The following AACS variants were observed in gnomAD, a reference collection of about 807,000 sequenced individuals.
AACS encodes the protein acetoacetate-CoA ligase.
AACS carries 69 observed loss-of-function variants against 83.1 expected under a neutral mutation model. The observed-to-expected ratio is 0.83, with a 90% CI of 0.68 to 1.01. AACS has a LOEUF of 1.01. Ranked by LOEUF, AACS falls within the 50% of genes least tolerant of loss-of-function variation. AACS has a pLI of 0.00. For synonymous variants in AACS, 333 were observed against 343.4 expected, an observed-to-expected ratio of 0.97 and a Z score of 0.33; for missense variants, 866 against 882.2, an observed-to-expected ratio of 0.98 and a Z score of 0.23.
chr12:125,095,386 G>A (rs1414267440), intron 5 of AACS, among the ~76,000 whole-genome samples: 1 of 152,210 alleles, frequency 6.6e-6, no homozygotes, highest in Admixed American at 6.5e-5. Flanking sequence ...CTGGGGTCCT[G>A]TGGTATTTGA....
chr12:125,065,744 T>A (rs1285291944), intron 1 of AACS, 27 bp downstream of exon 1: 3 of 1,509,894 alleles, frequency 2.0e-6, no homozygotes, highest in Non-Finnish European at 2.7e-6. Flanking sequence ...CGGCCGGGCC[T>A]GCGGGGGATG....
At chr12:125,091,282 G>A in intron 4 of AACS, 144 bp from the exon 5 acceptor site, 2 of 727,956 alleles carry the variant, frequency 2.7e-6, no homozygotes, top group Non-Finnish European at 4.8e-6. Context: ...ATTCATCTGG[G>A]CGGGGGCTGG....
chr12:125,071,068 C>T (rs1301389460), intron 1 of AACS, among the ~76,000 whole-genome samples: 1 of 152,172 alleles, frequency 6.6e-6, no homozygotes, highest in African/African-American at 2.4e-5. Flanking sequence ...CTCAGGGTCC[C>T]TGAGGGGCTG....
rs773709808 is a variant in AACS at position 125,073,921 on chromosome 12, A to T, written c.179A>T (p.Asp60Val). 10 of 1,614,190 alleles carry T rather than the reference A, an allele frequency of 6.2e-6. No individual in the cohort carries two copies. Among genetic ancestry groups the T allele is most frequent in the Non-Finnish European group, 8.5e-6 (10 of 1,180,022 alleles). ...LYHWSVESYS[D>V]FWAEFWKFSG... ...CATTGGTCCGTTGAGTCATATTCAG[A>T]CTTCTGGGCAGAGTTCTGGAAATTC... The change falls in exon 2 of 18, where the codon GAC (aspartate) becomes GTC (valine). Residue 60 changes from aspartate (D) to valine (V), a missense_variant. By Grantham distance (152) the Asp-to-Val change is radical. Transcript: ENST00000316519.
rs117189327 is a variant in AACS, at chr12:125,073,997, G to A, written c.237+18G>A. 21,960 of 1,576,582 alleles carry A rather than the reference G, an allele frequency of 0.014. 183 individuals carry two copies. Among genetic ancestry groups the A allele is most frequent in the Middle Eastern group, 0.026 (156 of 6,004 alleles). On this transcript the variant is annotated intron_variant, in intron 2 of 17. Transcript: ENST00000316519. ...ATGATGAGGTAAGTAGAGATTTTCCGTGGATATCATCTCTTTTTGTGGTCG... is the reference window on the plus strand; with the variant it reads ...ATGATGAGGTAAGTAGAGATTTTCCATGGATATCATCTCTTTTTGTGGTCG...
intron 5 of AACS, among the ~76,000 whole-genome samples, chr12:125,095,180 A>G (rs1319809806): frequency 1.3e-5 from 2 of 152,090 alleles, no homozygotes; most frequent in African/African-American, 2.4e-5. Flanking sequence ...TGCAACATGA[A>G]AGCTGTCCTC....
intron 16 of AACS, among the ~76,000 whole-genome samples, chr12:125,135,130 A>G (rs959982974): frequency 1.2e-4 from 18 of 148,468 alleles, no homozygotes; most frequent in Admixed American, 8.7e-4. Context: ...ACTTGTGTCT[A>G]TCTACTCTTT....
At chr12:125,066,276 ACT>A (rs1955690219) in intron 1 of AACS, among the ~76,000 whole-genome samples, 1 of 148,694 alleles carries the variant, frequency 6.7e-6, no homozygotes, top group Non-Finnish European at 1.5e-5. Flanking sequence ...CTAGTAAAAG[ACT>A]CTCTTTCCAC....
chr12:125,127,856 C>T, intron 12 of AACS: 1 of 221,158 alleles, frequency 4.5e-6, no homozygotes, highest in East Asian at 1.1e-4. Flanking sequence ...GGCAAAGCTT[C>T]CATTTTCTGC....
In AACS at chr12:125,113,466, G is replaced by A. The variant is rs907475112; in HGVS notation, c.916-1011G>A. ...ACCGAGGCTGGGAGCGTGGAGTGACGGGTGCAGGGGCCACTGGCTCTGCTC... is the reference window on the plus strand; with the variant it reads ...ACCGAGGCTGGGAGCGTGGAGTGACAGGTGCAGGGGCCACTGGCTCTGCTC... On this transcript the variant is annotated intron_variant, in intron 8 of 17. Transcript: ENST00000316519. The surrounding 1 kb of genome is among the most constrained non-coding windows in gnomAD (Gnocchi z 4.8). Among the ~76,000 whole-genome samples, 1 of 152,214 alleles carries A rather than the reference G, an allele frequency of 6.6e-6. No individual in the cohort carries two copies. The highest frequency in any genetic ancestry group is 2.4e-5 in the African/African-American group (1 of 41,460).
intron 8 of AACS, among the ~76,000 whole-genome samples, chr12:125,108,511 G>A (rs1956881382): frequency 6.6e-6 from 1 of 152,078 alleles, no homozygotes. Context: ...TTCAACATAC[G>A]AATTTTGGGG....
At chr12:125,120,722 A>G (rs1957139515) in intron 10 of AACS, 1 of 152,240 alleles carries the variant, frequency 6.6e-6, no homozygotes, top group South Asian at 2.1e-4. Context: ...GGGATGAAGC[A>G]TCCCAGGGAG....
At chr12:125,095,156 T>C (rs1450506264) in intron 5 of AACS, among the ~76,000 whole-genome samples, 1 of 152,108 alleles carries the variant, frequency 6.6e-6, no homozygotes, top group African/African-American at 2.4e-5. Context: ...TGTTCATAGG[T>C]GTGTTTGTTT....
At chr12:125,077,659 A>G (rs1299405228) in intron 3 of AACS, among the ~76,000 whole-genome samples, 1 of 152,208 alleles carries the variant, frequency 6.6e-6, no homozygotes, top group African/African-American at 2.4e-5. Flanking sequence ...TAAGGCCAAC[A>G]TACACAGAAA....
chr12:125,125,058 T>A, intron 12 of AACS, 34 bp downstream of exon 12: 2 of 1,610,832 alleles, frequency 1.2e-6, no homozygotes, highest in South Asian at 2.2e-5. Flanking sequence ...CTTCCAGCCA[T>A]CCCCGCCGGC....
chr12:125,108,772 G>A (rs12316499), intron 8 of AACS, among the ~76,000 whole-genome samples: 57,662 of 150,638 alleles, frequency 0.38, 11,356 homozygotes, highest in East Asian at 0.55. Flanking sequence ...GGCTTAAGCA[G>A]TCCTCCCCTC....
chr12:125,117,900 C>T (rs1231939183), intron 9 of AACS: 1 of 151,930 alleles, frequency 6.6e-6, no homozygotes, highest in Non-Finnish European at 1.5e-5. Flanking sequence ...AGGAGGATTA[C>T]TTGAGGTTAG....
rs145595572 is a variant in AACS at position 125,107,250 on chromosome 12, C to A, written c.897C>A (p.Cys299Ter). 3.7e-6 allele frequency: 6 copies of A among 1,613,808 alleles called. No homozygotes were observed. In the African/African-American group the frequency reaches 8.0e-5, roughly 22 times the overall value. The change falls in exon 8 of 18, where the codon TGC becomes TGA. Residue 299 changes from cysteine (C) to a stop codon, truncating the protein, a stop_gained. Transcript: ENST00000316519. LOFTEE classifies it high-confidence loss of function. ...CGGGCACCACGGGCGCACCCAAGTG[C>A]ATGGTGCATTCCGCTGGGGTAGGTC... ...FSSGTTGAPK[C>*]MVHSAGGTLI...
intron 2 of AACS, among the ~76,000 whole-genome samples, chr12:125,075,966 C>T (rs967315375): frequency 1.7e-4 from 26 of 152,136 alleles, no homozygotes; most frequent in South Asian, 4.1e-4. Flanking sequence ...CAATAAATAT[C>T]GGGAAAAAGG....
Sources: gnomAD v4.1 joint callset for allele counts (sites outside exome capture counted in the v4.1 genomes callset) on GRCh38, gnomAD v4.1.1 for gene constraint, Gnocchi (gnomAD v3.1) non-coding constraint, MANE v1.5 for transcripts, NCBI Gene and HGNC (gene_info 2026-07-23, HGNC 2026-07-21) for gene names.